MEX3C: variants seen among roughly 807,000 people sequenced by gnomAD.
The protein encoded by MEX3C is RNA-binding E3 ubiquitin-protein ligase MEX3C.
In MEX3C, 15 loss-of-function variants were observed where a neutral mutation model predicts 35.5. That is an observed-to-expected ratio of 0.42 (90% CI 0.28 to 0.65). The LOEUF is 0.65. MEX3C is among the 30% of genes least tolerant of loss of function. The pLI, the probability that MEX3C is intolerant of heterozygous loss-of-function variation, is 0.20. For synonymous variants in MEX3C, 390 were observed against 352.8 expected (o/e 1.11, Z -1.18); for missense variants, 711 against 842.8 (o/e 0.84, Z 1.94).
chr18:51,197,196 T>C lies in MEX3C; in HGVS notation c.125A>G (p.Glu42Gly). 2.0e-6 allele frequency: 2 copies of C among 1,020,898 alleles called. No homozygotes were observed. The highest frequency in any genetic ancestry group is 5.9e-5 in the Admixed American group (1 of 17,058). The allele number at this position is 1,020,898 out of a possible 1,614,324, so 63.2% of individuals were successfully genotyped here. A position where few individuals can be genotyped will look rare whatever the true frequency, so the allele number is the denominator to read the frequency against. ...LPPPSGGPELEGDGLLLRERL... is the reference protein window; with the variant it reads ...LPPPSGGPELGGDGLLLRERL... ...CTCCCTCAGCAGGAGCCCGTCCCCC[T>C]CGAGCTCCGGGCCGCCCGAGGGCGG... is the stretch of plus-strand genomic sequence containing the variant. Residue 42 changes from glutamate to glycine, a missense_variant, in exon 1 of 2, where the codon GAG becomes GGG. By Grantham distance (98) the Glu-to-Gly change is moderately conservative. Transcript: ENST00000406189.
chr18:51,178,776 C>T (rs4940058), intron 1 of MEX3C, among the ~76,000 whole-genome samples: 66,668 of 150,738 alleles, frequency 0.44, 15,321 homozygotes, highest in Middle Eastern at 0.58. Context: ...AGAAGAATTG[C>T]TCGAACCCGG....
chr18:51,194,728 G>A (rs1261694239), intron 1 of MEX3C: 5 of 152,160 alleles, frequency 3.3e-5, no homozygotes, highest in Admixed American at 2.6e-4. Context: ...CTTGTCCTGA[G>A]AAGTGGCATC....
At chr18:51,196,248 C>T (rs1912783585) in intron 1 of MEX3C, 1 of 452,068 alleles carries the variant, frequency 2.2e-6, no homozygotes, top group African/African-American at 2.1e-5. Context: ...CGAGCCCGAC[C>T]TTTTACCACC....
In MEX3C at chr18:51,176,770, C is replaced by T. The variant is rs191160287; in HGVS notation, c.1561G>A (p.Gly521Ser). ...TPFEPVNPLS[G>S]FGSDPSGNMK... ...TTACCAGAAGGATCACTCCCAAAGC[C>T]AGAGAGTGGGTTAACTGGTTCAAAT... is the stretch of plus-strand genomic sequence containing the variant. The change falls in exon 2 of 2, where the codon GGC (glycine) becomes AGC (serine). Residue 521 changes from glycine to serine, a missense_variant. Gly to Ser is a moderately conservative substitution (Grantham distance 56, BLOSUM62 0). This residue lies in a region of MEX3C where 187 missense variants were observed against 201.7 expected (regional missense o/e 0.93). Coordinates refer to ENST00000406189, the MANE Select transcript of MEX3C (RefSeq NM_016626.5). The T allele has an allele frequency of 1.3e-4, 211 of 1,613,942 alleles. No individual in the cohort carries two copies. The highest frequency in any genetic ancestry group is 2.7e-4 in the Admixed American group (16 of 60,022).
intron 1 of MEX3C, among the ~76,000 whole-genome samples, chr18:51,181,751 A>C (rs541592754): frequency 6.6e-6 from 1 of 152,216 alleles, no homozygotes; most frequent in Non-Finnish European, 1.5e-5. Context: ...AAAGTGGTTG[A>C]CCTAGGGGGA....
intron 1 of MEX3C, among the ~76,000 whole-genome samples, chr18:51,179,005 A>T (rs1441089351): frequency 6.7e-6 from 1 of 150,218 alleles, no homozygotes; most frequent in Admixed American, 6.6e-5. Context: ...TAGTCAGATG[A>T]TGCTTTTTTT....
At chr18:51,191,639 G>A (rs111368965) in intron 1 of MEX3C, among the ~76,000 whole-genome samples, 149 of 152,248 alleles carry the variant, frequency 9.8e-4, no homozygotes, top group African/African-American at 3.3e-3. Flanking sequence ...ATGATTAAAC[G>A]GTGGTTCCAA....
rs1912834056 is a variant in MEX3C at position 51,197,241 on chromosome 18, G to T, written c.80C>A (p.Pro27Gln). The T allele has an allele frequency of 1.0e-6, 1 of 978,156 alleles. No individual in the cohort carries two copies. The highest frequency in any genetic ancestry group is 1.2e-6 in the Non-Finnish European group (1 of 824,898). 60.6% of individuals were successfully genotyped at this position (978,156 alleles called of 1,614,324 possible). Residue 27 changes from proline to glutamine, a missense_variant, in exon 1 of 2, where the codon CCG (proline) becomes CAG (glutamine). By Grantham distance (76) the Pro-to-Gln change is moderately conservative (BLOSUM62 -1). Around this residue, in one of 4 missense-constraint regions of MEX3C, gnomAD observed 354 missense variants for 311.6 expected, o/e 1.14. Coordinates refer to ENST00000406189, the MANE Select transcript of MEX3C (RefSeq NM_016626.5). ...PLPQPPPPPP[P>Q]PPPPLPPPSG... Reference sequence around the variant, plus strand: ...GGGCGGCGGCAGAGGCGGCGGTGGCGGCGGCGGCGGCGGGGGCGGCTGCGG... The same window carrying T: ...GGGCGGCGGCAGAGGCGGCGGTGGCTGCGGCGGCGGCGGGGGCGGCTGCGG...
At chr18:51,187,976 A>G (rs1458913452) in intron 1 of MEX3C, among the ~76,000 whole-genome samples, 1 of 152,236 alleles carries the variant, frequency 6.6e-6, no homozygotes, top group Non-Finnish European at 1.5e-5. Context: ...ATGAGTATCA[A>G]CTAAATCCCA....
chr18:51,188,062 G>A (rs1912577071), intron 1 of MEX3C, among the ~76,000 whole-genome samples: 1 of 152,148 alleles, frequency 6.6e-6, no homozygotes, highest in African/African-American at 2.4e-5. Flanking sequence ...ATTCCTAAAT[G>A]CATAATATAA....
chr18:51,184,557 T>C (rs1450033402), intron 1 of MEX3C, among the ~76,000 whole-genome samples: 1 of 152,168 alleles, frequency 6.6e-6, no homozygotes, highest in Non-Finnish European at 1.5e-5. Context: ...TCAAGAATTA[T>C]TGTAAGAAGT....
chr18:51,179,448 A>C (rs1301546627), intron 1 of MEX3C, among the ~76,000 whole-genome samples: 1 of 152,204 alleles, frequency 6.6e-6, no homozygotes, highest in Middle Eastern at 3.2e-3. Context: ...GGGACCAGGA[A>C]TGTTTGAGAT....
intron 1 of MEX3C, among the ~76,000 whole-genome samples, chr18:51,180,686 T>C (rs1184256682): frequency 6.6e-6 from 1 of 152,202 alleles, no homozygotes; most frequent in Non-Finnish European, 1.5e-5. Flanking sequence ...TTTCACCATG[T>C]TGGCCAGGCT....
intron 1 of MEX3C, chr18:51,193,925 CATAATT>C (rs1261269906): frequency 3.9e-5 from 6 of 152,164 alleles, no homozygotes; most frequent in Non-Finnish European, 8.8e-5. Flanking sequence ...CCATCTGTGA[CATAATT>C]ATTTCCAAAA....
intron 1 of MEX3C, among the ~76,000 whole-genome samples, chr18:51,188,919 T>C (rs948995254): frequency 7.2e-5 from 11 of 152,350 alleles, no homozygotes; most frequent in African/African-American, 1.9e-4. Flanking sequence ...TTGGTGACAG[T>C]AGTCAGATCT....
chr18:51,189,610 T>C (rs1213298072), intron 1 of MEX3C, among the ~76,000 whole-genome samples: 6 of 152,204 alleles, frequency 3.9e-5, no homozygotes, highest in Non-Finnish European at 1.5e-5. Context: ...AGTTTTATTA[T>C]TTGGCCTTTC....
intron 1 of MEX3C, chr18:51,195,887 TTTC>T (rs1912773542): frequency 6.6e-6 from 1 of 152,328 alleles, no homozygotes. Context: ...GTGTCCATTT[TTTC>T]TTCATCCTGC....
chr18:51,196,890 A>C lies in MEX3C; in HGVS notation c.431T>G (p.Leu144Arg). Residue 144 changes from leucine (L) to arginine (R), a missense_variant, in exon 1 of 2, where the codon CTG (leucine) becomes CGG (arginine). By Grantham distance (102) the Leu-to-Arg change is moderately radical. This residue lies in a region of MEX3C where 354 missense variants were observed against 311.6 expected (regional missense o/e 1.14). Transcript: ENST00000406189. Reference protein sequence around the residue: ...EEEDRSSLLLLSPPAATASQT... With the variant: ...EEEDRSSLLLRSPPAATASQT... ...AGAGGCGGTGGCCGCGGGCGGCGACAGCAGCAGCAGCGACGACCGGTCCTC... is the reference window on the plus strand; with the variant it reads ...AGAGGCGGTGGCCGCGGGCGGCGACCGCAGCAGCAGCGACGACCGGTCCTC... 6.5e-7 allele frequency: 1 copy of C among 1,540,378 alleles called. No individual in the cohort carries two copies. Among genetic ancestry groups the C allele is most frequent in the Non-Finnish European group, 8.7e-7 (1 of 1,145,618 alleles).
intron 1 of MEX3C, chr18:51,196,301 A>G (rs1038566949): frequency 5.8e-6 from 4 of 684,640 alleles, no homozygotes; most frequent in Non-Finnish European, 9.0e-6. Flanking sequence ...TGTTCCACGA[A>G]TACAGCCCAA....
Sources: allele counts gnomAD v4.1 joint callset (sites outside exome capture counted in the v4.1 genomes callset), GRCh38; gene constraint gnomAD v4.1.1; regional missense constraint gnomAD v4.1.1; transcripts MANE v1.5; gene names NCBI Gene and HGNC (gene_info 2026-07-23, HGNC 2026-07-21).